Variants in FGF13 observed in about 807,000 individuals in gnomAD.
The protein encoded by FGF13 is fibroblast growth factor 13, also known as fibroblast growth factor homologous factor 2.
In FGF13, 2 loss-of-function variants were observed where a neutral mutation model predicts 19.5. The observed-to-expected ratio is 0.10, with a 90% CI of 0.04 to 0.32. The LOEUF is 0.32. Among genes scored for constraint, FGF13 ranks in the 10% least tolerant of loss-of-function variants. The probability of loss-of-function intolerance (pLI) is 1.00; values close to 1 mark genes in which losing one functional copy is unlikely to be tolerated. For missense variants in FGF13, 113 were observed against 192.7 expected (o/e 0.59, Z 2.45); for synonymous variants, 72 against 76.9 (o/e 0.94, Z 0.33).
At chrX:138,965,373 G>A (rs934617693) in intron 1 of FGF13, among the ~76,000 whole-genome samples, 1 of 112,171 alleles carries the variant, frequency 8.9e-6, no homozygotes, top group African/African-American at 3.2e-5. Context: ...TATCCCCAAT[G>A]CTTAGCACAG....
At chrX:138,655,477 T>A (rs952557532) in intron 3 of FGF13, among the ~76,000 whole-genome samples, 2 of 111,871 alleles carry the variant, frequency 1.8e-5, no homozygotes, top group African/African-American at 6.5e-5. Flanking sequence ...TTATTCAGAA[T>A]CTTGCTAATT....
chrX:138,918,236 C>T (rs1483060362), intron 1 of FGF13, among the ~76,000 whole-genome samples: 1 of 111,002 alleles, frequency 9.0e-6, no homozygotes, highest in East Asian at 2.8e-4. Context: ...GCTTTTGACA[C>T]TGAGCCTTGT....
chrX:138,985,055 C>T (rs772567841), intron 1 of FGF13: 15 of 373,362 alleles, frequency 4.0e-5, no homozygotes, highest in South Asian at 3.7e-4. Flanking sequence ...TCAAATGATG[C>T]ATCCCTACTT....
At chrX:139,119,621 T>C (rs1374714570) in intron 1 of FGF13, among the ~76,000 whole-genome samples, 1 of 111,930 alleles carries the variant, frequency 8.9e-6, no homozygotes, top group Non-Finnish European at 1.9e-5. Flanking sequence ...GTGATGCCTC[T>C]CTTGAGTTCC....
At chrX:138,932,870 T>G (rs2091711378) in intron 1 of FGF13, among the ~76,000 whole-genome samples, 1 of 110,765 alleles carries the variant, frequency 9.0e-6, no homozygotes, top group African/African-American at 3.3e-5. Flanking sequence ...CTACAGGCCC[T>G]GGCTTATAGA....
chrX:139,184,566 T>C (rs1235550542), intron 1 of FGF13, among the ~76,000 whole-genome samples: 1 of 111,155 alleles, frequency 9.0e-6, no homozygotes, highest in African/African-American at 3.3e-5. Flanking sequence ...TTTTCCTCCA[T>C]AGCACTTGTC....
intron 3 of FGF13, among the ~76,000 whole-genome samples, chrX:138,812,686 T>C (rs1042883875): frequency 1.8e-5 from 2 of 111,971 alleles, no homozygotes; most frequent in African/African-American, 6.5e-5. Flanking sequence ...ATAAGATTTG[T>C]AACATTTTCT....
At chrX:138,700,491 T>C (rs967451131) in intron 3 of FGF13, among the ~76,000 whole-genome samples, 5 of 111,320 alleles carry the variant, frequency 4.5e-5, no homozygotes, top group Non-Finnish European at 7.5e-5. Context: ...CTGAAGTTAT[T>C]AGGATAGAAC....
In FGF13 at chrX:138,711,013, G is replaced by A. The variant is rs1215585033; in HGVS notation, c.-10C>T. The stretch of plus-strand genomic sequence containing the variant: ...CGATAGCCGCCGCCATGGCCACGAC[G>A]CCCACCACCACCGCTTCTTTTGCTG... On this transcript the variant is annotated 5_prime_UTR_variant, in exon 1 of 5. Transcript: ENST00000315930. 5.8e-6 allele frequency: 7 copies of A among 1,206,813 alleles called. No individual in the cohort carries two copies. The highest frequency in any genetic ancestry group is 5.3e-5 in the South Asian group (3 of 56,642).
intron 1 of FGF13, among the ~76,000 whole-genome samples, chrX:138,894,320 A>C (rs1169949861): frequency 1.9e-5 from 2 of 108,021 alleles, no homozygotes; most frequent in Non-Finnish European, 3.8e-5. Flanking sequence ...GCAGAACTGA[A>C]GGAGATAGAG....
intron 1 of FGF13, among the ~76,000 whole-genome samples, chrX:139,184,486 C>T (rs2084264997): frequency 9.0e-6 from 1 of 111,590 alleles, no homozygotes; most frequent in South Asian, 3.8e-4. Flanking sequence ...TAAGTCCATA[C>T]CTCATCATCA....
At chrX:138,671,742 G>C (rs187825175) in intron 3 of FGF13, among the ~76,000 whole-genome samples, 2 of 108,081 alleles carry the variant, frequency 1.9e-5, no homozygotes, top group Admixed American at 2.0e-4. Context: ...TATACAAATA[G>C]GCATTTTATT....
chrX:138,806,487 G>C (rs2090868876), intron 3 of FGF13: 1 of 112,874 alleles, frequency 8.9e-6, no homozygotes, highest in African/African-American at 3.2e-5. Context: ...GCTACAAACA[G>C]CTGGGTGAGG....
intron 1 of FGF13, among the ~76,000 whole-genome samples, chrX:139,019,028 C>G (rs1019697113): frequency 9.0e-6 from 1 of 111,293 alleles, no homozygotes; most frequent in Admixed American, 9.6e-5. Context: ...TTTTCTGTCT[C>G]TATAGATTTG....
intron 1 of FGF13, among the ~76,000 whole-genome samples, chrX:138,915,562 T>C (rs763499724): frequency 8.9e-6 from 1 of 111,770 alleles, no homozygotes; most frequent in South Asian, 3.8e-4. Context: ...TGAAGGGGTG[T>C]TATTTATTGA....
chrX:138,886,274 G>A (rs2091451510), intron 1 of FGF13, among the ~76,000 whole-genome samples: 1 of 111,927 alleles, frequency 8.9e-6, no homozygotes, highest in Admixed American at 9.5e-5. Context: ...AGAAATCCAA[G>A]TAGCTTTTAT....
intron 1 of FGF13, among the ~76,000 whole-genome samples, chrX:138,997,467 C>G (rs1039680201): frequency 1.8e-5 from 2 of 111,573 alleles, no homozygotes; most frequent in East Asian, 5.6e-4. Context: ...ATGAGAATAA[C>G]CAGTATAGAG....
intron 1 of FGF13, among the ~76,000 whole-genome samples, chrX:138,991,835 A>G (rs2092016905): frequency 8.9e-6 from 1 of 111,929 alleles, no homozygotes; most frequent in Admixed American, 9.5e-5. Context: ...ACCAGAAAAT[A>G]AATACATTTC....
chrX:138,711,054 GCCTCCT>G lies in FGF13; in HGVS notation c.-57_-52del. The G allele has an allele frequency of 8.4e-7, 1 of 1,196,250 alleles. No individual in the cohort carries two copies. Among genetic ancestry groups the G allele is most frequent in the Non-Finnish European group, 1.1e-6 (1 of 889,587 alleles). On this transcript the variant is annotated 5_prime_UTR_variant, in exon 1 of 5. Coordinates refer to ENST00000315930, the MANE Select transcript of FGF13 (RefSeq NM_004114.5). ...TCTTTTGCTGCCCCTCTCTGGGTTC[GCCTCCT>G]CCTCCTTCTCCTCCGCTGCTTGTCC... is the stretch of plus-strand genomic sequence containing the variant.
Sources: gnomAD v4.1 joint callset for allele counts (sites outside exome capture counted in the v4.1 genomes callset) on GRCh38, gnomAD v4.1.1 for gene constraint, MANE v1.5 for transcripts, NCBI Gene and HGNC (gene_info 2026-07-23, HGNC 2026-07-21) for gene names.